TAFA2: variants seen among roughly 807,000 people sequenced by gnomAD.
TAFA2 encodes TAFA chemokine like family member 2.
In TAFA2, 7 loss-of-function variants were observed where a neutral mutation model predicts 18.8. The ratio of observed to expected loss-of-function variants is 0.37; its 90% CI spans 0.21 to 0.70. The LOEUF is 0.70. TAFA2 is among the 30% of genes least tolerant of loss of function. TAFA2 has a pLI of 0.53. For synonymous variants in TAFA2, 60 were observed against 54.2 expected, an observed-to-expected ratio of 1.11 and a Z score of -0.47; for missense variants, 122 against 158.1, an observed-to-expected ratio of 0.77 and a Z score of 1.23.
At chr12:61,727,913 C>T (rs1280292758) in intron 4 of TAFA2, among the ~76,000 whole-genome samples, 1 of 151,804 alleles carries the variant, frequency 6.6e-6, no homozygotes, top group Non-Finnish European at 1.5e-5. Context: ...GGTTGTGTCA[C>T]TATTATCATT....
chr12:61,826,077 G>A (rs1872527671), intron 2 of TAFA2, among the ~76,000 whole-genome samples: 1 of 151,974 alleles, frequency 6.6e-6, no homozygotes, highest in African/African-American at 2.4e-5. Context: ...ACTAGAAGCA[G>A]GATTATAACA....
chr12:62,002,255 A>G (rs1408218702), intron 1 of TAFA2, among the ~76,000 whole-genome samples: 1 of 152,200 alleles, frequency 6.6e-6, no homozygotes, highest in African/African-American at 2.4e-5. Flanking sequence ...ATAAAAAGGG[A>G]AAATTTCTGT....
chr12:61,985,437 G>T (rs768834685), intron 1 of TAFA2, among the ~76,000 whole-genome samples: 4 of 152,182 alleles, frequency 2.6e-5, no homozygotes, highest in Non-Finnish European at 4.4e-5. Context: ...CTCTTATTAT[G>T]TAATAACACT....
intron 4 of TAFA2, among the ~76,000 whole-genome samples, chr12:61,734,153 T>C (rs1366739631): frequency 1.3e-5 from 2 of 151,616 alleles, no homozygotes; most frequent in Non-Finnish European, 2.9e-5. Flanking sequence ...AAGTTGCTTA[T>C]CAGCTTAAGG....
At chr12:62,092,826 G>A (rs1868777403) in intron 1 of TAFA2, among the ~76,000 whole-genome samples, 1 of 151,960 alleles carries the variant, frequency 6.6e-6, no homozygotes, top group Admixed American at 6.6e-5. Flanking sequence ...AAGGAAAGAA[G>A]GGCATAATGT....
chr12:62,181,995 C>CCG (rs1555196477), intron 1 of TAFA2, among the ~76,000 whole-genome samples: 5 of 149,476 alleles, frequency 3.3e-5, no homozygotes, highest in Admixed American at 6.7e-5. Context: ...GTCCATCCCC[C>CCG]CCCCGCTACA....
At chr12:61,954,366 C>T (rs1878578317) in intron 1 of TAFA2, among the ~76,000 whole-genome samples, 1 of 152,062 alleles carries the variant, frequency 6.6e-6, no homozygotes, top group Non-Finnish European at 1.5e-5. Flanking sequence ...TTAGGGAAAA[C>T]ACTAATTTAT....
At chr12:61,888,063 TA>T (rs986766926) in intron 1 of TAFA2, among the ~76,000 whole-genome samples, 4 of 151,664 alleles carry the variant, frequency 2.6e-5, no homozygotes, top group African/African-American at 9.7e-5. Flanking sequence ...TGGCAATCAT[TA>T]AAAAGTCAGG....
intron 2 of TAFA2, among the ~76,000 whole-genome samples, chr12:61,814,253 T>A (rs1871988158): frequency 6.6e-6 from 1 of 150,994 alleles, no homozygotes; most frequent in Non-Finnish European, 1.5e-5. Flanking sequence ...TGAGGGAAGG[T>A]ATTGGTATAT....
At chr12:61,982,701 T>C (rs1879678837) in intron 1 of TAFA2, among the ~76,000 whole-genome samples, 1 of 151,988 alleles carries the variant, frequency 6.6e-6, no homozygotes, top group African/African-American at 2.4e-5. Context: ...CACCAAAATA[T>C]ATGGATAAGA....
intron 1 of TAFA2, among the ~76,000 whole-genome samples, chr12:62,101,375 C>G (rs572220743): frequency 6.6e-6 from 1 of 152,058 alleles, no homozygotes; most frequent in Non-Finnish European, 1.5e-5. Flanking sequence ...ATAACCATGT[C>G]CAGTACGAAT....
At chr12:62,224,868 TTTACA>T (rs1376263692) in intron 1 of TAFA2, among the ~76,000 whole-genome samples, 4 of 152,150 alleles carry the variant, frequency 2.6e-5, no homozygotes, top group Admixed American at 6.5e-5. Flanking sequence ...TTTTACGTTA[TTTACA>T]TTTTCGCAGA....
At chr12:61,986,628 A>G (rs529209867) in intron 1 of TAFA2, among the ~76,000 whole-genome samples, 2 of 150,544 alleles carry the variant, frequency 1.3e-5, no homozygotes, top group Non-Finnish European at 3.0e-5. Context: ...GAAAAAGTCT[A>G]TCATTTACTG....
At chr12:61,724,113 T>A (rs981453054) in intron 4 of TAFA2, among the ~76,000 whole-genome samples, 1 of 152,088 alleles carries the variant, frequency 6.6e-6, no homozygotes, top group Non-Finnish European at 1.5e-5. Context: ...ATGTACTGTA[T>A]ATATTACAGT....
At chr12:62,147,318 GTATGTATGTATATATATATATATATATA>G (rs201380802) in intron 1 of TAFA2, among the ~76,000 whole-genome samples, 7,752 of 87,628 alleles carry the variant, frequency 0.088, 575 homozygotes, top group South Asian at 0.16. Flanking sequence ...GTGTGTGTGT[GTATGTATGTATATATATATATATATATA>G]TATATATATA....
intron 4 of TAFA2, among the ~76,000 whole-genome samples, chr12:61,723,397 G>A (rs566880324): frequency 1.2e-4 from 18 of 152,202 alleles, no homozygotes; most frequent in South Asian, 8.3e-4. Flanking sequence ...AAATGAACAC[G>A]TGAATGAATT....
intron 1 of TAFA2, among the ~76,000 whole-genome samples, chr12:62,220,893 G>A (rs1341796418): frequency 1.3e-5 from 2 of 152,042 alleles, no homozygotes; most frequent in East Asian, 3.9e-4. Flanking sequence ...CGGATCACGA[G>A]GTCAGGAGTC....
chr12:61,800,424 A>G (rs961846354), intron 2 of TAFA2, among the ~76,000 whole-genome samples: 5 of 152,194 alleles, frequency 3.3e-5, no homozygotes, highest in Non-Finnish European at 7.4e-5. Flanking sequence ...TCAATAATGG[A>G]AATCAGAAAA....
chr12:62,237,030 AGT>A (rs370133812), intron 1 of TAFA2, among the ~76,000 whole-genome samples: 3 of 152,202 alleles, frequency 2.0e-5, no homozygotes, highest in African/African-American at 4.8e-5. Context: ...TTTGTTGAAT[AGT>A]CATTCTACCC....
Sources: gnomAD v4.1 joint callset for allele counts (sites outside exome capture counted in the v4.1 genomes callset) on GRCh38, gnomAD v4.1.1 for gene constraint, MANE v1.5 for transcripts, NCBI Gene and HGNC (gene_info 2026-07-23, HGNC 2026-07-21) for gene names.